Variants in LRMDA observed in about 807,000 individuals in gnomAD.
LRMDA encodes the protein leucine rich melanocyte differentiation associated.
In LRMDA, 18 loss-of-function variants were observed where a neutral mutation model predicts 29.8. That is an observed-to-expected ratio of 0.60 (90% CI 0.42 to 0.90). LRMDA has a LOEUF of 0.90. Among genes scored for constraint, LRMDA ranks in the 40% least tolerant of loss-of-function variants. LRMDA has a pLI of 0.00. For synonymous variants in LRMDA, 125 were observed against 109.4 expected (o/e 1.14, Z -0.89); for missense variants, 273 against 273.9 (o/e 1.00, Z 0.02).
chr10:75,827,597 G>T (rs1451278776), intron 2 of LRMDA, among the ~76,000 whole-genome samples: 3 of 152,174 alleles, frequency 2.0e-5, no homozygotes, highest in Non-Finnish European at 2.9e-5. Context: ...CAGTACAAGG[G>T]TTAGTGTTTG....
At chr10:75,885,769 A>T (rs528566205) in intron 2 of LRMDA, among the ~76,000 whole-genome samples, 5 of 152,260 alleles carry the variant, frequency 3.3e-5, no homozygotes, top group Non-Finnish European at 7.3e-5. Flanking sequence ...ATGATAAGAC[A>T]TACTTAACAT....
At chr10:76,411,982 G>A (rs1208150229) in intron 6 of LRMDA, among the ~76,000 whole-genome samples, 2 of 152,206 alleles carry the variant, frequency 1.3e-5, no homozygotes, top group Non-Finnish European at 2.9e-5. Context: ...AGTGCTATTG[G>A]GACACCTCTT....
intron 5 of LRMDA, among the ~76,000 whole-genome samples, chr10:76,141,301 T>A (rs1225217298): frequency 6.6e-6 from 1 of 152,114 alleles, no homozygotes. Flanking sequence ...TGATTTTTCC[T>A]CTCCTATAAC....
At chr10:75,663,906 C>T (rs1320282390) in intron 2 of LRMDA, among the ~76,000 whole-genome samples, 1 of 152,158 alleles carries the variant, frequency 6.6e-6, no homozygotes, top group Non-Finnish European at 1.5e-5. Flanking sequence ...AAATTCAACA[C>T]TTGTCTTGAC....
chr10:76,018,823 C>T (rs1009365986), intron 2 of LRMDA, among the ~76,000 whole-genome samples: 9 of 152,124 alleles, frequency 5.9e-5, no homozygotes, highest in Non-Finnish European at 8.8e-5. Context: ...GTCTTGGCCT[C>T]GCAAATTGCT....
At chr10:76,241,731 A>C (rs1207291439) in intron 5 of LRMDA, among the ~76,000 whole-genome samples, 6 of 152,132 alleles carry the variant, frequency 3.9e-5, no homozygotes, top group Admixed American at 1.3e-4. Context: ...GGTGAATAAC[A>C]CTGCCTGACC....
intron 5 of LRMDA, among the ~76,000 whole-genome samples, chr10:76,070,142 T>A (rs1245903171): frequency 1.3e-5 from 2 of 152,184 alleles, no homozygotes; most frequent in Non-Finnish European, 1.5e-5. Context: ...GTCTAAAGCA[T>A]CAGTAGCAGC....
chr10:75,598,838 G>A (rs577489383), intron 2 of LRMDA, among the ~76,000 whole-genome samples: 5 of 152,284 alleles, frequency 3.3e-5, no homozygotes, highest in Middle Eastern at 3.4e-3. Context: ...GACATGAAGG[G>A]CCTTACTTTT....
At chr10:75,946,407 T>A (rs1039195334) in intron 2 of LRMDA, among the ~76,000 whole-genome samples, 17 of 152,226 alleles carry the variant, frequency 1.1e-4, no homozygotes, top group Admixed American at 9.2e-4. Context: ...ACATGGAGCA[T>A]CTGACTGCAC....
chr10:75,477,716 G>C (rs1844812852), intron 2 of LRMDA, among the ~76,000 whole-genome samples: 1 of 152,176 alleles, frequency 6.6e-6, no homozygotes, highest in Admixed American at 6.5e-5. Flanking sequence ...ATGGCTTCTG[G>C]GGCCCTGCTG....
rs1233390352 is a variant in LRMDA at position 76,047,187 on chromosome 10, G to A, written c.282G>A (p.Leu94=). The A allele has an allele frequency of 6.2e-7, 1 of 1,614,002 alleles. No individual in the cohort carries two copies. The highest frequency in any genetic ancestry group is 1.3e-5 in the African/African-American group (1 of 75,018). ...ACATCACTGATTTGGAGAACCTGCT[G>A]GATCACTTGGCAGAAGTGACACCAG... ...KNRITDLENL[L]DHLAEVTPAL... is the part of the protein sequence containing the mutation. The change falls in exon 4 of 7, where the codon CTG becomes CTA. Residue 94 remains leucine (L), a synonymous_variant. Transcript: ENST00000611255.
intron 2 of LRMDA, among the ~76,000 whole-genome samples, chr10:75,511,148 C>T (rs987259360): frequency 1.3e-5 from 2 of 151,836 alleles, no homozygotes; most frequent in East Asian, 1.9e-4. Flanking sequence ...AGCGACATGG[C>T]GAAACCTCAT....
chr10:75,775,163 A>G (rs2132237971), intron 2 of LRMDA, among the ~76,000 whole-genome samples: 1 of 152,364 alleles, frequency 6.6e-6, no homozygotes, highest in Middle Eastern at 3.4e-3. Context: ...AGGATTCTCC[A>G]TGTTATTTTT....
intron 5 of LRMDA, among the ~76,000 whole-genome samples, chr10:76,229,100 T>G (rs576507699): frequency 3.3e-5 from 5 of 152,316 alleles, no homozygotes; most frequent in African/African-American, 1.2e-4. Context: ...CTAAGGAGAA[T>G]GGAGCTGGGA....
chr10:75,799,289 A>G (rs960678751), intron 2 of LRMDA, among the ~76,000 whole-genome samples: 1 of 152,208 alleles, frequency 6.6e-6, no homozygotes, highest in Admixed American at 6.5e-5. Context: ...CCTGATTATC[A>G]TCATGAAACA....
chr10:76,420,741 G>T (rs1026064085), intron 6 of LRMDA, among the ~76,000 whole-genome samples: 2 of 151,948 alleles, frequency 1.3e-5, no homozygotes, highest in Non-Finnish European at 2.9e-5. Flanking sequence ...TTCAATTCAA[G>T]ATCTTTTCTA....
chr10:75,829,194 A>G (rs1284878749), intron 2 of LRMDA, among the ~76,000 whole-genome samples: 2 of 152,182 alleles, frequency 1.3e-5, no homozygotes, highest in Non-Finnish European at 2.9e-5. Context: ...AGAATCCCAG[A>G]GATATGAGGC....
At chr10:75,495,905 G>T (rs745327683) in intron 2 of LRMDA, among the ~76,000 whole-genome samples, 6 of 152,198 alleles carry the variant, frequency 3.9e-5, no homozygotes, top group Non-Finnish European at 5.9e-5. Context: ...GCAAAAAGGT[G>T]CTTTGAGGCA....
intron 5 of LRMDA, among the ~76,000 whole-genome samples, chr10:76,094,003 T>TAAC (rs1849275165): frequency 6.6e-6 from 1 of 152,222 alleles, no homozygotes. Flanking sequence ...CCACAGGCTG[T>TAAC]ACCACACAGT....
Sources: allele counts gnomAD v4.1 joint callset (sites outside exome capture counted in the v4.1 genomes callset), GRCh38; gene constraint gnomAD v4.1.1; transcripts MANE v1.5; gene names NCBI Gene and HGNC (gene_info 2026-07-23, HGNC 2026-07-21).